The following SRBD1 variants were observed in gnomAD, a reference collection of about 807,000 sequenced individuals.
The protein encoded by SRBD1 is S1 RNA binding domain 1.
A neutral mutation model predicts 115.3 loss-of-function variants in SRBD1; 88 were observed. That is an observed-to-expected ratio of 0.76 (90% CI 0.64 to 0.91). The LOEUF is 0.91. SRBD1 is among the 40% of genes least tolerant of loss of function. SRBD1 has a pLI of 0.00. For synonymous variants in SRBD1, 509 were observed against 407.7 expected (o/e 1.25, Z -2.99); for missense variants, 1,385 against 1,177.4 (o/e 1.18, Z -2.58).
intron 14 of SRBD1, among the ~76,000 whole-genome samples, chr2:45,489,445 T>A (rs1670226603): frequency 6.6e-6 from 1 of 152,176 alleles, no homozygotes; most frequent in African/African-American, 2.4e-5. Flanking sequence ...AATTCTTGAA[T>A]AAATTTTTAT....
At chr2:45,530,655 G>A (rs1306164773) in intron 14 of SRBD1, among the ~76,000 whole-genome samples, 1 of 152,054 alleles carries the variant, frequency 6.6e-6, no homozygotes, top group Non-Finnish European at 1.5e-5. Flanking sequence ...GACAGAGGTT[G>A]AAAGGAAATG....
At chr2:45,495,079 G>T (rs547658696) in intron 14 of SRBD1, among the ~76,000 whole-genome samples, 21 of 152,230 alleles carry the variant, frequency 1.4e-4, no homozygotes, top group African/African-American at 5.1e-4. Context: ...GTATACTCCA[G>T]GATGGACATC....
chr2:45,407,531 G>A (rs556783237), intron 19 of SRBD1, among the ~76,000 whole-genome samples: 9 of 152,234 alleles, frequency 5.9e-5, no homozygotes, highest in South Asian at 4.1e-4. Flanking sequence ...CTCCTTGAGA[G>A]CATAATCACC....
chr2:45,422,642 C>CA (rs1668040005), intron 16 of SRBD1, among the ~76,000 whole-genome samples: 1 of 152,144 alleles, frequency 6.6e-6, no homozygotes, highest in African/African-American at 2.4e-5. Context: ...ACTGATAACT[C>CA]ATTTGATCTT....
intron 7 of SRBD1, among the ~76,000 whole-genome samples, chr2:45,577,197 T>C (rs1673206044): frequency 6.6e-6 from 1 of 152,200 alleles, no homozygotes; most frequent in African/African-American, 2.4e-5. Flanking sequence ...CTCTTTCAAA[T>C]TACATTCCCC....
intron 19 of SRBD1, among the ~76,000 whole-genome samples, chr2:45,407,609 C>A (rs1005368444): frequency 3.3e-5 from 5 of 152,106 alleles, no homozygotes; most frequent in Non-Finnish European, 7.4e-5. Flanking sequence ...TGAATAAAGT[C>A]ATCACCAACA....
intron 14 of SRBD1, among the ~76,000 whole-genome samples, chr2:45,502,353 A>G (rs1670660458): frequency 6.6e-6 from 1 of 152,236 alleles, no homozygotes; most frequent in Admixed American, 6.5e-5. Flanking sequence ...AGGATTATAA[A>G]TCATGCTGCT....
rs547469068 is a variant in SRBD1 at position 45,591,167 on chromosome 2, G to C, written c.649-5393C>G. Among the ~76,000 whole-genome samples the C allele has an allele frequency of 1.6e-3, 243 of 152,298 alleles. 1 individual carries two copies. Among genetic ancestry groups the C allele is most frequent in the Admixed American group, 5.2e-3 (79 of 15,300 alleles). On this transcript the variant is annotated intron_variant, in intron 4 of 20. Transcript: ENST00000263736. ...TGCTCCTGGGGATAACATTCCCATT[G>C]TAAAACCTAAGATCAGTGCTTAAGA... is the stretch of plus-strand genomic sequence containing the variant.
intron 19 of SRBD1, among the ~76,000 whole-genome samples, chr2:45,410,768 T>C (rs1167884577): frequency 6.6e-6 from 1 of 152,192 alleles, no homozygotes; most frequent in East Asian, 1.9e-4. Context: ...CAATCATGCC[T>C]ATGTAATGAA....
At position 45,477,966 on chromosome 2, in the gene SRBD1, C is replaced by CTTT. The variant is rs61688104; in HGVS notation, c.1967-894_1967-892dup. Among the ~76,000 whole-genome samples, 679 of 148,084 alleles carry CTTT rather than the reference C, an allele frequency of 4.6e-3. 2 individuals are homozygous for CTTT. Among genetic ancestry groups the CTTT allele is most frequent in the African/African-American group, 8.8e-3 (356 of 40,514 alleles). The stretch of plus-strand genomic sequence containing the variant: ...TTTTACTTGTTCGTCATTTATTGTC[C>CTTT]TTTTTTTTTTTACCAAATATCAATA... On this transcript the variant is annotated intron_variant, in intron 15 of 20. Coordinates refer to ENST00000263736, the MANE Select transcript of SRBD1 (RefSeq NM_018079.5).
chr2:45,390,783 G>A (rs1448242182), intron 20 of SRBD1, among the ~76,000 whole-genome samples: 2 of 152,026 alleles, frequency 1.3e-5, no homozygotes, highest in African/African-American at 2.4e-5. Context: ...ATACCAAGAC[G>A]TTTTAAAAAT....
chr2:45,481,435 G>A (rs559177047), intron 15 of SRBD1, among the ~76,000 whole-genome samples: 1 of 152,226 alleles, frequency 6.6e-6, no homozygotes, highest in East Asian at 1.9e-4. Flanking sequence ...AGAGAATTAA[G>A]AGAGAGGAAG....
At chr2:45,554,577 T>C (rs1672412929) in intron 10 of SRBD1, among the ~76,000 whole-genome samples, 1 of 152,160 alleles carries the variant, frequency 6.6e-6, no homozygotes, top group Non-Finnish European at 1.5e-5. Context: ...ATGAGGACTA[T>C]AAATGCCACA....
chr2:45,569,389 A>G (rs1191583062), intron 9 of SRBD1: 1 of 152,174 alleles, frequency 6.6e-6, no homozygotes, highest in Non-Finnish European at 1.5e-5. Flanking sequence ...GTGAACACCC[A>G]ATCGGCATAG....
chr2:45,412,964 G>T, intron 19 of SRBD1, 150 bp downstream of exon 19: 1 of 799,274 alleles, frequency 1.3e-6, no homozygotes, highest in African/African-American at 1.7e-5. Flanking sequence ...GAAATAATGT[G>T]CCACATAACT....
intron 16 of SRBD1, among the ~76,000 whole-genome samples, chr2:45,436,936 G>T (rs1224272621): frequency 6.6e-6 from 1 of 152,098 alleles, no homozygotes; most frequent in Admixed American, 6.5e-5. Context: ...AGGACACAAG[G>T]TTAATATACA....
At chr2:45,406,566 G>C (rs1667443722) in intron 19 of SRBD1, among the ~76,000 whole-genome samples, 1 of 152,016 alleles carries the variant, frequency 6.6e-6, no homozygotes, top group Non-Finnish European at 1.5e-5. Context: ...GGATGAACAC[G>C]CTACTCCTGC....
intron 16 of SRBD1, among the ~76,000 whole-genome samples, chr2:45,435,919 A>G (rs771976823): frequency 5.9e-5 from 9 of 152,230 alleles, no homozygotes; most frequent in Non-Finnish European, 1.0e-4. Context: ...CTATGAAACC[A>G]GCATAACCTT....
At chr2:45,459,488 C>T (rs537874471) in intron 16 of SRBD1, among the ~76,000 whole-genome samples, 1 of 152,100 alleles carries the variant, frequency 6.6e-6, no homozygotes, top group Non-Finnish European at 1.5e-5. Flanking sequence ...ACTAAATGAC[C>T]TTGAGGGTCC....
Sources: gnomAD v4.1 joint callset for allele counts (sites outside exome capture counted in the v4.1 genomes callset) on GRCh38, gnomAD v4.1.1 for gene constraint, MANE v1.5 for transcripts, NCBI Gene and HGNC (gene_info 2026-07-23, HGNC 2026-07-21) for gene names.